Variants in SLC13A3 observed in about 807,000 individuals in gnomAD.
The protein encoded by SLC13A3 is solute carrier family 13 member 3, also known as Na(+)/dicarboxylate cotransporter 3.
Under a neutral mutation model 59.0 loss-of-function variants are expected in SLC13A3, and 40 were observed. The observed-to-expected ratio is 0.68, with a 90% CI of 0.53 to 0.88. SLC13A3 has a LOEUF of 0.88. Ranked by LOEUF, SLC13A3 falls within the 40% of genes least tolerant of loss-of-function variation. The pLI is 0.00. For missense variants in SLC13A3, 699 were observed against 783.2 expected (o/e 0.89, Z 1.28); for synonymous variants, 317 against 330.3 (o/e 0.96, Z 0.44).
Position 46,561,087 on chromosome 20 carries a change from G to A in SLC13A3, c.1633-889C>T, listed in dbSNP as rs578052409. ...TCCCATTCTATTCAGTCATCCCTCT[G>A]CTCACTGAGTTGAATGCATATCTGA... On this transcript the variant is annotated intron_variant, in intron 12 of 12. Transcript: ENST00000279027. Among the ~76,000 whole-genome samples, 7 of 152,258 alleles carry A rather than the reference G, an allele frequency of 4.6e-5. 1 individual carries two copies. In the South Asian group the frequency reaches 1.5e-3, roughly 32 times the overall value.
chr20:46,650,748 C>T (rs180674220), intron 1 of SLC13A3, among the ~76,000 whole-genome samples: 2 of 152,082 alleles, frequency 1.3e-5, no homozygotes, highest in Non-Finnish European at 2.9e-5. Context: ...AATACAGCAC[C>T]AAGCACAGAA....
chr20:46,605,170 A>G (rs539732057), intron 3 of SLC13A3, among the ~76,000 whole-genome samples: 1 of 152,384 alleles, frequency 6.6e-6, no homozygotes, highest in East Asian at 1.9e-4. Flanking sequence ...GCTTTATCAT[A>G]TAAGATCAGG....
intron 1 of SLC13A3, among the ~76,000 whole-genome samples, chr20:46,620,406 A>T (rs1392441889): frequency 1.3e-5 from 2 of 152,236 alleles, no homozygotes; most frequent in Non-Finnish European, 2.9e-5. Context: ...TCTGAACAGA[A>T]TCTAGTTTGA....
At chr20:46,638,180 G>A (rs1379086409) in intron 1 of SLC13A3, among the ~76,000 whole-genome samples, 1 of 152,184 alleles carries the variant, frequency 6.6e-6, no homozygotes, top group Non-Finnish European at 1.5e-5. Flanking sequence ...GCCCATACCT[G>A]CGGCTGGGCA....
At chr20:46,646,450 C>T (rs1198832952) in intron 1 of SLC13A3, among the ~76,000 whole-genome samples, 1 of 152,220 alleles carries the variant, frequency 6.6e-6, no homozygotes, top group African/African-American at 2.4e-5. Flanking sequence ...GGCTATTGCT[C>T]TAATTATAAA....
upstream of SLC13A3, among the ~76,000 whole-genome samples, chr20:46,674,598 CGCGCGCGTGTGTGT>C (rs1200036935): frequency 1.8e-5 from 1 of 55,902 alleles, no homozygotes; most frequent in African/African-American, 5.6e-5. Context: ...TGCGCGCGCG[CGCGCGCGTGTGTGT>C]GTGTGTGTGT....
At chr20:46,669,218 C>G (rs1212098787) in intron 1 of SLC13A3, among the ~76,000 whole-genome samples, 1 of 152,146 alleles carries the variant, frequency 6.6e-6, no homozygotes, top group Non-Finnish European at 1.5e-5. Flanking sequence ...AACACATGAC[C>G]TGAAATCCAG....
intron 9 of SLC13A3, among the ~76,000 whole-genome samples, chr20:46,579,262 G>T (rs2062110896): frequency 6.6e-6 from 1 of 152,072 alleles, no homozygotes; most frequent in Non-Finnish European, 1.5e-5. Flanking sequence ...CGAGTAGCTG[G>T]AACTACAGGT....
At chr20:46,604,362 G>C (rs1057064325) in intron 3 of SLC13A3, among the ~76,000 whole-genome samples, 1 of 152,164 alleles carries the variant, frequency 6.6e-6, no homozygotes, top group Non-Finnish European at 1.5e-5. Context: ...CACTGCTGTA[G>C]TAAATGATAA....
intron 1 of SLC13A3, among the ~76,000 whole-genome samples, chr20:46,638,422 G>A (rs901687207): frequency 3.3e-5 from 5 of 152,228 alleles, no homozygotes; most frequent in Admixed American, 2.6e-4. Context: ...CAGGAGAGAA[G>A]CGGGGCCGTG....
At chr20:46,651,165 C>T in intron 1 of SLC13A3, 146 bp downstream of exon 1, 1 of 1,310,926 alleles carries the variant, frequency 7.6e-7, no homozygotes, top group Non-Finnish European at 9.7e-7. Context: ...TCACAGCGGT[C>T]CGCGGCAGGT....
intron 1 of SLC13A3, among the ~76,000 whole-genome samples, chr20:46,640,999 C>T (rs554265702): frequency 6.6e-6 from 1 of 152,018 alleles, no homozygotes. Flanking sequence ...CTGGGGTCAG[C>T]GGGTCTATGT....
chr20:46,634,389 G>A (rs1215400726), intron 1 of SLC13A3, among the ~76,000 whole-genome samples: 1 of 152,122 alleles, frequency 6.6e-6, no homozygotes, highest in Non-Finnish European at 1.5e-5. Flanking sequence ...TGCCAACCGA[G>A]GCTCCCTCTT....
At chr20:46,605,777 G>C (rs1180204730) in intron 3 of SLC13A3, among the ~76,000 whole-genome samples, 1 of 152,246 alleles carries the variant, frequency 6.6e-6, no homozygotes. Flanking sequence ...GATAACTCTA[G>C]TCTAGCCTCC....
At chr20:46,584,412 T>C in intron 8 of SLC13A3, 1 of 985,422 alleles carries the variant, frequency 1.0e-6, no homozygotes, top group South Asian at 4.7e-5. Flanking sequence ...ATTGAAGTGC[T>C]CCCATTCTGT....
intron 1 of SLC13A3, among the ~76,000 whole-genome samples, chr20:46,669,185 A>G (rs1424491761): frequency 6.6e-6 from 1 of 152,216 alleles, no homozygotes; most frequent in Non-Finnish European, 1.5e-5. Context: ...AGAAGTTATT[A>G]TATGTGTTGA....
intron 1 of SLC13A3, among the ~76,000 whole-genome samples, chr20:46,638,714 C>T (rs967350044): frequency 6.6e-6 from 1 of 152,210 alleles, no homozygotes; most frequent in Admixed American, 6.5e-5. Context: ...GACTCTGGAC[C>T]ATGCCTGCCT....
chr20:46,585,444 T>A (rs933353086), intron 8 of SLC13A3: 9 of 997,544 alleles, frequency 9.0e-6, no homozygotes, highest in Middle Eastern at 5.0e-4. Flanking sequence ...AAATAATATG[T>A]TGACGTGATC....
intron 9 of SLC13A3, chr20:46,582,666 C>T: frequency 3.0e-6 from 3 of 985,182 alleles, no homozygotes; most frequent in Non-Finnish European, 3.6e-6. Flanking sequence ...CATCTTCCTA[C>T]AGGACACATA....
Sources: allele counts gnomAD v4.1 joint callset (sites outside exome capture counted in the v4.1 genomes callset), GRCh38; gene constraint gnomAD v4.1.1; transcripts MANE v1.5; gene names NCBI Gene and HGNC (gene_info 2026-07-23, HGNC 2026-07-21).